MEIS1: variants seen among roughly 807,000 people sequenced by gnomAD.
MEIS1 encodes Meis homeobox 1, also known as homeobox protein Meis1.
In MEIS1, 5 loss-of-function variants were observed where a neutral mutation model predicts 50.8. The ratio of observed to expected loss-of-function variants is 0.10; its 90% CI spans 0.05 to 0.21. MEIS1 has a LOEUF of 0.21. MEIS1 is among the 10% of genes least tolerant of loss of function. MEIS1 has a pLI of 1.00. For synonymous variants in MEIS1, 176 were observed against 179.3 expected (o/e 0.98, Z 0.15); for missense variants, 318 against 517.3 (o/e 0.61, Z 3.74).
chr2:66,529,473 G>A (rs550196806), intron 8 of MEIS1, among the ~76,000 whole-genome samples: 1 of 152,142 alleles, frequency 6.6e-6, no homozygotes, highest in African/African-American at 2.4e-5. Context: ...GTCTCAATCT[G>A]TTGCCCAACC....
intron 7 of MEIS1, among the ~76,000 whole-genome samples, chr2:66,506,886 C>T (rs796827983): frequency 1.4e-4 from 22 of 152,276 alleles, no homozygotes; most frequent in African/African-American, 4.6e-4. Flanking sequence ...ACATCAGGCA[C>T]ACCCAGAGAG....
At chr2:66,558,848 A>C (rs1033626029) in intron 9 of MEIS1, among the ~76,000 whole-genome samples, 3 of 152,194 alleles carry the variant, frequency 2.0e-5, no homozygotes, top group African/African-American at 7.2e-5. Context: ...AGATTCTTTA[A>C]TACCTGATTA....
chr2:66,555,970 T>G (rs1382577921), intron 9 of MEIS1, among the ~76,000 whole-genome samples: 1 of 152,138 alleles, frequency 6.6e-6, no homozygotes, highest in Non-Finnish European at 1.5e-5. Flanking sequence ...CTCCAGTGTG[T>G]GCACGCCGAG....
intron 2 of MEIS1, chr2:66,439,193 A>G: frequency 1.2e-6 from 1 of 806,212 alleles, no homozygotes; most frequent in Non-Finnish European, 1.5e-6. Context: ...TACTGCAGGA[A>G]CATTTGAAGG....
intron 7 of MEIS1, among the ~76,000 whole-genome samples, chr2:66,477,305 G>C (rs1672917003): frequency 6.6e-6 from 1 of 152,210 alleles, no homozygotes; most frequent in Non-Finnish European, 1.5e-5. Flanking sequence ...AGTGGACGCA[G>C]AGGGTAGTGG....
chr2:66,464,488 T>C (rs1171261316), intron 7 of MEIS1, among the ~76,000 whole-genome samples: 1 of 152,194 alleles, frequency 6.6e-6, no homozygotes, highest in Non-Finnish European at 1.5e-5. Flanking sequence ...AGTTTGAATG[T>C]GAATAAATAG....
At chr2:66,525,456 G>T (rs1389791383) in intron 8 of MEIS1, among the ~76,000 whole-genome samples, 1 of 152,114 alleles carries the variant, frequency 6.6e-6, no homozygotes, top group Non-Finnish European at 1.5e-5. Flanking sequence ...ATGGAAAGAT[G>T]ATTGTTTTTC....
rs2103853848 is a variant in MEIS1 at position 66,512,150 on chromosome 2, T to C, written c.744T>C (p.Gly248=). ...SHSGDNSSEQ[G]DGLDNSVASP... Reference sequence around the variant, plus strand: ...AAATTTGATTCGCTATGTTTGCAGGTGATGGCTTGGACAACAGTGTAGCTT... The same window carrying C: ...AAATTTGATTCGCTATGTTTGCAGGCGATGGCTTGGACAACAGTGTAGCTT... The change falls in exon 8 of 13, where the codon GGT becomes GGC. Residue 248 remains glycine, a splice_region_variant and synonymous_variant. Coordinates refer to ENST00000272369, the MANE Select transcript of MEIS1 (RefSeq NM_002398.3). 1 of 1,570,724 alleles carries C rather than the reference T, an allele frequency of 6.4e-7. No individual in the cohort carries two copies. The highest frequency in any genetic ancestry group is 2.3e-5 in the East Asian group (1 of 43,346).
intron 2 of MEIS1, among the ~76,000 whole-genome samples, chr2:66,438,679 A>C (rs941872415): frequency 6.6e-6 from 1 of 152,176 alleles, no homozygotes; most frequent in Admixed American, 6.5e-5. Flanking sequence ...CTCCTCCGCC[A>C]TTCGATTAGA....
At chr2:66,522,104 G>T (rs1006004725) in intron 8 of MEIS1, among the ~76,000 whole-genome samples, 1 of 152,222 alleles carries the variant, frequency 6.6e-6, no homozygotes, top group Non-Finnish European at 1.5e-5. Flanking sequence ...CTTGATTAAT[G>T]ATCTTTCCGT....
intron 8 of MEIS1, among the ~76,000 whole-genome samples, chr2:66,522,968 C>T (rs918063268): frequency 2.0e-5 from 3 of 152,164 alleles, no homozygotes; most frequent in Admixed American, 1.3e-4. Flanking sequence ...TAATTTACCA[C>T]CCTTTGCACA....
intron 8 of MEIS1, among the ~76,000 whole-genome samples, chr2:66,519,297 A>G (rs932399613): frequency 6.6e-6 from 1 of 152,216 alleles, no homozygotes; most frequent in African/African-American, 2.4e-5. Flanking sequence ...TAGCAAAAAA[A>G]ATATTTGATT....
At chr2:66,569,008 C>A in intron 11 of MEIS1, 42 bp from the exon 12 acceptor site, 1 of 1,574,390 alleles carries the variant, frequency 6.4e-7, no homozygotes, top group Non-Finnish European at 8.7e-7. Flanking sequence ...GTTGACTTTG[C>A]TCATTTTCTG....
At chr2:66,484,383 A>G (rs1178117325) in intron 7 of MEIS1, among the ~76,000 whole-genome samples, 1 of 152,026 alleles carries the variant, frequency 6.6e-6, no homozygotes, top group African/African-American at 2.4e-5. Flanking sequence ...TATTTTGACT[A>G]TCTTCCTTTA....
chr2:66,568,718 T>C lies in MEIS1; in HGVS notation c.1076T>C (p.Val359Ala). Residue 359 changes from valine to alanine, a missense_variant, in exon 11 of 13, where the codon GTA (valine) becomes GCA (alanine). Coordinates refer to ENST00000272369, the MANE Select transcript of MEIS1 (RefSeq NM_002398.3). ...NPDGQPMGGF[V>A]MDGQQHMGIR... is the part of the protein sequence containing the mutation. ...GATGGACAGCCCATGGGAGGTTTCG[T>C]AATGGACGGTCAGCAACATATGGGA... 6.2e-7 allele frequency: 1 copy of C among 1,613,838 alleles called. No individual in the cohort carries two copies. Among genetic ancestry groups the C allele is most frequent in the Non-Finnish European group, 8.5e-7 (1 of 1,179,724 alleles).
chr2:66,460,038 C>T (rs1672482906), intron 6 of MEIS1, among the ~76,000 whole-genome samples: 1 of 152,066 alleles, frequency 6.6e-6, no homozygotes, highest in South Asian at 2.1e-4. Flanking sequence ...TGACCTCTGT[C>T]CAAATTTAAG....
intron 7 of MEIS1, among the ~76,000 whole-genome samples, chr2:66,476,209 C>T (rs1672888861): frequency 6.6e-6 from 1 of 152,088 alleles, no homozygotes; most frequent in African/African-American, 2.4e-5. Flanking sequence ...TGCTGCAGTC[C>T]TTAAAAATGA....
At chr2:66,559,934 C>A (rs1675169807) in intron 9 of MEIS1, among the ~76,000 whole-genome samples, 1 of 152,038 alleles carries the variant, frequency 6.6e-6, no homozygotes, top group Non-Finnish European at 1.5e-5. Context: ...GTAGCTGGGA[C>A]TACAGGTGTG....
intron 7 of MEIS1, among the ~76,000 whole-genome samples, chr2:66,511,723 A>G (rs1673834573): frequency 6.6e-6 from 1 of 152,244 alleles, no homozygotes; most frequent in Admixed American, 6.5e-5. Flanking sequence ...GATATCTTAA[A>G]TGAATCTTCT....
Sources: gnomAD v4.1 joint callset for allele counts (sites outside exome capture counted in the v4.1 genomes callset) on GRCh38, gnomAD v4.1.1 for gene constraint, MANE v1.5 for transcripts, NCBI Gene and HGNC (gene_info 2026-07-23, HGNC 2026-07-21) for gene names.